MTARC2: variants seen among roughly 807,000 people sequenced by gnomAD.
MTARC2 encodes MOCO sulphurase C-terminal domain containing 2.
A neutral mutation model predicts 35.6 loss-of-function variants in MTARC2; 27 were observed. That is an observed-to-expected ratio of 0.76 (90% CI 0.56 to 1.04). The LOEUF (loss-of-function observed/expected upper bound fraction) is 1.04. MTARC2 is among the 50% of genes least tolerant of loss of function. The pLI is 0.00. For synonymous variants in MTARC2, 158 were observed against 167.1 expected (o/e 0.95, Z 0.42); for missense variants, 412 against 432.5 (o/e 0.95, Z 0.42).
intron 1 of MTARC2, among the ~76,000 whole-genome samples, chr1:220,754,737 C>T (rs1671229013): frequency 6.6e-6 from 1 of 152,198 alleles, no homozygotes; most frequent in African/African-American, 2.4e-5. Context: ...AGACACTCTC[C>T]CAGAACTGTT....
chr1:220,765,698 A>G (rs761955846), intron 4 of MTARC2, among the ~76,000 whole-genome samples: 9 of 152,182 alleles, frequency 5.9e-5, no homozygotes, highest in African/African-American at 1.9e-4. Flanking sequence ...TTAGCCTCCC[A>G]ACTTCCCAAC....
Position 220,781,806 on chromosome 1 carries a change from G to T in MTARC2, c.913G>T (p.Glu305Ter), listed in dbSNP as rs971046621. 1.2e-6 allele frequency: 2 copies of T among 1,614,150 alleles called. No homozygotes were observed. The highest frequency in any genetic ancestry group is 3.3e-5 in the Admixed American group (2 of 60,026). The change falls in exon 7 of 8, where the codon GAA becomes TAA. Residue 305 changes from glutamate to a stop codon, truncating the protein, a stop_gained. Transcript: ENST00000366913. LOFTEE classifies it high-confidence loss of function. ...CCGCCTGTGTGATCCTTCTGAGAGG[G>T]AATTGTACAAGTTGTCTCCACTTTT... is the stretch of plus-strand genomic sequence containing the variant. Reference protein sequence around the residue: ...SYRLCDPSERELYKLSPLFGI... With the variant: ...SYRLCDPSER
chr1:220,778,028 A>T (rs1465227143), intron 4 of MTARC2, among the ~76,000 whole-genome samples: 1 of 152,086 alleles, frequency 6.6e-6, no homozygotes, highest in African/African-American at 2.4e-5. Flanking sequence ...GGATCACCTG[A>T]GGTTAGGAGT....
intron 4 of MTARC2, among the ~76,000 whole-genome samples, chr1:220,774,317 T>C (rs1671831767): frequency 6.6e-6 from 1 of 152,162 alleles, no homozygotes; most frequent in African/African-American, 2.4e-5. Flanking sequence ...TAATGATTAT[T>C]GCACATATGT....
In MTARC2 at chr1:220,762,931, C is replaced by A; in HGVS notation, c.631C>A (p.Pro211Thr). The change falls in exon 4 of 8, where the codon CCG becomes ACG. Residue 211 changes from proline to threonine, a missense_variant. By Grantham distance (38) the Pro-to-Thr change is conservative. Transcript: ENST00000366913. Reference protein sequence around the residue: ...NFQVAYPDYCPLLIMTDASLV... With the variant: ...NFQVAYPDYCTLLIMTDASLV... ...CAAGGTGGCCTACCCAGACTACTGC[C>A]CGCTCCTGATCATGACAGATGCCTC... 1 of 1,614,156 alleles carries A rather than the reference C, an allele frequency of 6.2e-7. No homozygotes were observed. The highest frequency in any genetic ancestry group is 8.5e-7 in the Non-Finnish European group (1 of 1,180,028).
chr1:220,762,878 G>T, intron 3 of MTARC2, 32 bp from the exon 4 acceptor site: 1 of 1,613,124 alleles, frequency 6.2e-7, no homozygotes, highest in Non-Finnish European at 8.5e-7. Context: ...TTGTGGAGTG[G>T]TGGGGCCTGA....
chr1:220,758,151 A>G (rs927027631), intron 2 of MTARC2, among the ~76,000 whole-genome samples: 1 of 150,990 alleles, frequency 6.6e-6, no homozygotes, highest in Admixed American at 6.6e-5. Context: ...CGCCCAGCTA[A>G]TTTTTGTATT....
rs1353823001 is a variant in MTARC2, at chr1:220,753,989, G to T, written c.273-958G>T. 2.0e-5 allele frequency among the ~76,000 whole-genome samples: 3 copies of T among 152,162 alleles called. No homozygotes were observed. In the East Asian group the frequency reaches 5.8e-4, roughly 29 times the overall value. ...CACTTGAACCAAGGAGGTGGAGGTT[G>T]CAGTGAGCTAGACTGTACCACTGCA... On this transcript the variant is annotated intron_variant, in intron 1 of 7. Transcript: ENST00000366913.
chr1:220,752,583 T>G (rs1357289383), intron 1 of MTARC2, among the ~76,000 whole-genome samples: 1 of 152,232 alleles, frequency 6.6e-6, no homozygotes, highest in African/African-American at 2.4e-5. Context: ...GGCTCACATC[T>G]GTAATCTCAG....
At chr1:220,769,946 A>AAAAAAAAAAAAAAAAAAAT in intron 4 of MTARC2, among the ~76,000 whole-genome samples, 1 of 148,888 alleles carries the variant, frequency 6.7e-6, no homozygotes, top group Non-Finnish European at 1.5e-5. Flanking sequence ...AAAAAAAAAA[A>AAAAAAAAAAAAAAAAAAAT]AAAAAAAAAA....
intron 4 of MTARC2, 107 bp from the exon 5 acceptor site, chr1:220,779,911 G>A: frequency 2.4e-6 from 2 of 839,990 alleles, no homozygotes; most frequent in Non-Finnish European, 3.5e-6. Context: ...ACCTTGTGCT[G>A]CTTTCTTCTG....
At chr1:220,763,089 T>A (rs1412833466) in intron 4 of MTARC2, 39 bp downstream of exon 4, 2 of 1,614,062 alleles carry the variant, frequency 1.2e-6, no homozygotes, top group Non-Finnish European at 1.7e-6. Flanking sequence ...TGCTCAGATG[T>A]GCTGCTCGCG....
chr1:220,753,395 C>A (rs1671185164), intron 1 of MTARC2, among the ~76,000 whole-genome samples: 1 of 152,244 alleles, frequency 6.6e-6, no homozygotes, highest in Non-Finnish European at 1.5e-5. Flanking sequence ...AGAGCACAGG[C>A]TGCCAGCCAT....
intron 4 of MTARC2, among the ~76,000 whole-genome samples, chr1:220,763,738 A>G (rs1389950601): frequency 1.3e-5 from 2 of 152,238 alleles, no homozygotes; most frequent in Non-Finnish European, 2.9e-5. Flanking sequence ...GGAAGTAACA[A>G]TGACAAATAC....
intron 2 of MTARC2, among the ~76,000 whole-genome samples, chr1:220,755,646 A>C (rs1572293827): frequency 6.6e-6 from 1 of 152,238 alleles, no homozygotes; most frequent in East Asian, 1.9e-4. Context: ...GTGGCCCGGC[A>C]TGTAAGCACC....
chr1:220,762,817 A>G, intron 3 of MTARC2, 93 bp from the exon 4 acceptor site: 2 of 1,360,844 alleles, frequency 1.5e-6, no homozygotes, highest in Non-Finnish European at 2.1e-6. Flanking sequence ...TCTGCACTGA[A>G]GAGGTTTTGC....
chr1:220,751,987 G>A (rs1052769357), intron 1 of MTARC2, among the ~76,000 whole-genome samples: 3 of 152,186 alleles, frequency 2.0e-5, no homozygotes, highest in African/African-American at 7.2e-5. Context: ...GTTACAAATG[G>A]TAACCTTTTA....
intron 1 of MTARC2, among the ~76,000 whole-genome samples, chr1:220,753,311 C>G (rs1671182134): frequency 6.6e-6 from 1 of 152,152 alleles, no homozygotes; most frequent in Non-Finnish European, 1.5e-5. Flanking sequence ...GTGTCACCAG[C>G]TTTTTGGAAG....
rs573517065 is a variant in MTARC2 at position 220,748,856 on chromosome 1, C to CGG, written c.272+59_272+60dup. 805 of 1,490,434 alleles carry CGG rather than the reference C, an allele frequency of 5.4e-4. 1 individual carries two copies. The African/African-American group carries it at 9.5e-3, about 18-fold the overall frequency. 92.3% of individuals were successfully genotyped at this position (1,490,434 alleles called of 1,614,324 possible). ...CGCGGAGCCTGCCTGGGATGAGGAG[C>CGG]GGGGGGGCAGGTGGGGCCCGATCTA... On this transcript the variant is annotated intron_variant, in intron 1 of 7. Transcript: ENST00000366913.
Sources: gnomAD v4.1 joint callset for allele counts (sites outside exome capture counted in the v4.1 genomes callset) on GRCh38, gnomAD v4.1.1 for gene constraint, MANE v1.5 for transcripts, NCBI Gene and HGNC (gene_info 2026-07-23, HGNC 2026-07-21) for gene names.